Variants in PRKAR1A observed in about 807,000 individuals in gnomAD.
PRKAR1A encodes the protein cAMP-dependent protein kinase type I-alpha regulatory subunit.
Under a neutral mutation model 52.0 loss-of-function variants are expected in PRKAR1A, and 3 were observed. The observed-to-expected ratio is 0.06, with a 90% CI of 0.03 to 0.15. The LOEUF is 0.15. PRKAR1A is among the 10% of genes least tolerant of loss of function. PRKAR1A has a pLI of 1.00. For synonymous variants in PRKAR1A, 188 were observed against 168.4 expected, an observed-to-expected ratio of 1.12 and a Z score of -0.90; for missense variants, 240 against 477.4, an observed-to-expected ratio of 0.50 and a Z score of 4.63.
At chr17:68,488,977 T>C in the PRKAR1A span, among the ~76,000 whole-genome samples, 1 of 151,128 alleles carries the variant, frequency 6.6e-6, no homozygotes, top group Non-Finnish European at 1.5e-5. Flanking sequence ...CTTTACACAA[T>C]TTTTAAAATA....
intron 11 of PRKAR1A, among the ~76,000 whole-genome samples, chr17:68,539,720 A>G (rs1208456462): frequency 6.6e-6 from 1 of 152,234 alleles, no homozygotes; most frequent in Non-Finnish European, 1.5e-5. Flanking sequence ...GGTTCTTGCA[A>G]AGGTAAAGAG....
chr17:68,467,319 C>T, the PRKAR1A span, among the ~76,000 whole-genome samples: 1 of 152,338 alleles, frequency 6.6e-6, no homozygotes, highest in East Asian at 1.9e-4. Context: ...CTATGTTTAA[C>T]TTTTTGAGGA....
chr17:68,423,265 G>A, the PRKAR1A span, among the ~76,000 whole-genome samples: 6 of 152,132 alleles, frequency 3.9e-5, no homozygotes, highest in African/African-American at 9.7e-5. This position sits in a 1 kb window ranked among gnomAD's most constrained non-coding sequence, Gnocchi z 4.4. Flanking sequence ...AGCATCCCTC[G>A]CTGAACATTT....
the PRKAR1A span, among the ~76,000 whole-genome samples, chr17:68,452,594 T>C: frequency 1.3e-5 from 2 of 152,096 alleles, no homozygotes; most frequent in Non-Finnish European, 2.9e-5. Context: ...ATGTCACAAG[T>C]GTCCTTTAGG....
At chr17:68,534,328 A>C (rs1352805052), downstream of PRKAR1A, among the ~76,000 whole-genome samples, 1 of 152,102 alleles carries the variant, frequency 6.6e-6, no homozygotes, top group Non-Finnish European at 1.5e-5. Flanking sequence ...GTTAATCTCA[A>C]ATGAGTTAAC....
the PRKAR1A span, among the ~76,000 whole-genome samples, chr17:68,465,183 C>T: frequency 7.9e-5 from 12 of 152,170 alleles, no homozygotes; most frequent in Admixed American, 6.5e-4. Context: ...CTGCCCGCCT[C>T]GGCCTTCCAA....
downstream of PRKAR1A, chr17:68,537,681 GCTGAGT>G (rs2086133510): frequency 6.2e-7 from 1 of 1,613,486 alleles, no homozygotes; most frequent in Non-Finnish European, 8.5e-7. The surrounding 1 kb of genome is among the most constrained non-coding windows in gnomAD (Gnocchi z 4.2). Flanking sequence ...GCATCACATC[GCTGAGT>G]CTGTAGTCAG....
chr17:68,448,096 C>A, the PRKAR1A span, among the ~76,000 whole-genome samples: 1 of 151,952 alleles, frequency 6.6e-6, no homozygotes, highest in South Asian at 2.1e-4. Context: ...TGTCTGAAGG[C>A]CTGAGGAAGT....
chr17:68,504,298 C>T, the PRKAR1A span, among the ~76,000 whole-genome samples: 15 of 143,878 alleles, frequency 1.0e-4, no homozygotes, highest in African/African-American at 3.8e-4. Flanking sequence ...AACCCCATCT[C>T]TACTAAAAAA....
At chr17:68,431,189 A>G in the PRKAR1A span, among the ~76,000 whole-genome samples, 1 of 152,186 alleles carries the variant, frequency 6.6e-6, no homozygotes, top group Non-Finnish European at 1.5e-5. Context: ...GTGAGCAGTT[A>G]ATATGCGGTG....
chr17:68,455,403 G>A, the PRKAR1A span, among the ~76,000 whole-genome samples: 2 of 148,730 alleles, frequency 1.3e-5, no homozygotes, highest in African/African-American at 2.5e-5. Context: ...TATAGCACAA[G>A]TACCAATCAC....
the PRKAR1A span, chr17:68,420,591 C>T: frequency 9.1e-7 from 1 of 1,097,504 alleles, no homozygotes; most frequent in Non-Finnish European, 1.3e-6. Flanking sequence ...TGGAGTTAGC[C>T]TTGCATATCC....
the PRKAR1A span, among the ~76,000 whole-genome samples, chr17:68,442,487 G>A: frequency 2.0e-5 from 3 of 149,892 alleles, no homozygotes; most frequent in African/African-American, 7.4e-5. Context: ...AAAAAAAGGA[G>A]AAACATCTGT....
the PRKAR1A span, among the ~76,000 whole-genome samples, chr17:68,475,652 C>T: frequency 2.6e-5 from 4 of 152,118 alleles, no homozygotes; most frequent in East Asian, 1.9e-4. Flanking sequence ...TTAGTAGAGA[C>T]GGGGTTTTGC....
chr17:68,420,671 T>C, the PRKAR1A span: 1 of 613,154 alleles, frequency 1.6e-6, no homozygotes, highest in Non-Finnish European at 2.8e-6. Flanking sequence ...GGGCAGGGAG[T>C]GTGCCTTAAT....
At chr17:68,528,662 C>T (rs777806166) in intron 8 of PRKAR1A, 13 of 619,326 alleles carry the variant, frequency 2.1e-5, no homozygotes, top group East Asian at 1.1e-4. Flanking sequence ...ACTGGGCTAC[C>T]GAAGTAAGGA....
chr17:68,500,670 C>T, the PRKAR1A span, among the ~76,000 whole-genome samples: 18 of 152,156 alleles, frequency 1.2e-4, no homozygotes, highest in Middle Eastern at 6.8e-3. Context: ...CCCACCACCA[C>T]GCCCGGCTAA....
chr17:68,525,106 A>T, intron 6 of PRKAR1A, 148 bp downstream of exon 6: 1 of 692,294 alleles, frequency 1.4e-6, no homozygotes, highest in South Asian at 1.8e-5. Context: ...TTTTTATGAC[A>T]CAGAGAAACT....
the PRKAR1A span, among the ~76,000 whole-genome samples, chr17:68,456,788 C>G: frequency 6.6e-6 from 1 of 152,202 alleles, no homozygotes; most frequent in African/African-American, 2.4e-5. Flanking sequence ...GCACGATGCC[C>G]TGCGTCGGGG....
Sources: gnomAD v4.1 joint callset for allele counts (sites outside exome capture counted in the v4.1 genomes callset) on GRCh38, gnomAD v4.1.1 for gene constraint, Gnocchi (gnomAD v3.1) non-coding constraint, MANE v1.5 for transcripts, NCBI Gene and HGNC (gene_info 2026-07-23, HGNC 2026-07-21) for gene names.